The following SUN1 variants were observed in gnomAD, a reference collection of about 807,000 sequenced individuals.
SUN1 encodes Sad1 and UNC84 domain containing 1.
SUN1 carries 61 observed loss-of-function variants against 103.2 expected under a neutral mutation model. That is an observed-to-expected ratio of 0.59 (90% CI 0.48 to 0.73). The LOEUF (loss-of-function observed/expected upper bound fraction) is 0.73. SUN1 is among the 30% of genes least tolerant of loss of function. SUN1 has a pLI of 0.00. For missense variants in SUN1, 1,052 were observed against 1,034.6 expected (o/e 1.02, Z -0.23); for synonymous variants, 490 against 425.7 (o/e 1.15, Z -1.86).
chr7:853,292 C>T (rs566544188), intron 9 of SUN1, 117 bp from the exon 10 acceptor site: 129 of 1,170,288 alleles, frequency 1.1e-4, no homozygotes, highest in Non-Finnish European at 1.5e-4. Context: ...TTCCTCCATT[C>T]GTGTGCCGTG....
intron 16 of SUN1, among the ~76,000 whole-genome samples, chr7:866,299 G>A (rs937228521): frequency 6.6e-6 from 1 of 152,170 alleles, no homozygotes; most frequent in African/African-American, 2.4e-5. Flanking sequence ...GGACCGTGTG[G>A]CACATGCTGG....
upstream of SUN1, among the ~76,000 whole-genome samples, chr7:827,520 G>A (rs563718361): frequency 3.7e-4 from 56 of 150,458 alleles, no homozygotes; most frequent in Middle Eastern, 6.9e-3. Context: ...CCCAGGCTGG[G>A]GTGCAGTGGC....
Position 860,528 on chromosome 7 carries a change from G to A in SUN1, c.1779+146G>A, listed in dbSNP as rs7785888. 5.2e-3 allele frequency: 7,133 copies of A among 1,370,304 alleles called. 307 individuals carry two copies. The African/African-American group carries it at 0.09, about 17-fold the overall frequency. 84.9% of individuals were successfully genotyped at this position (1,370,304 alleles called of 1,614,324 possible). ...TTAGCTGACGTAAGTGAGATGAGAC[G>A]TGCCTGGGCAGTGCCGTGTGTGGAG... is the stretch of plus-strand genomic sequence containing the variant. On this transcript the variant is annotated intron_variant, in intron 14 of 18. Coordinates refer to ENST00000401592, the MANE Select transcript of SUN1 (RefSeq NM_001130965.3).
At chr7:868,346 C>T (rs56342737) in intron 16 of SUN1, 6 of 215,168 alleles carry the variant, frequency 2.8e-5, no homozygotes, top group South Asian at 6.1e-5. Flanking sequence ...GGTGGGGGTG[C>T]GATCGCAGGC....
rs753915268 is a variant in SUN1 at position 852,589 on chromosome 7, G to GT, written c.852-16dup. ...GACTTTCATTTTTTCTAAGTCAAAG[G>GT]TTTTCATTGTTACTCCCAGGTGCCT... On this transcript the variant is annotated intron_variant, in intron 7 of 18. Coordinates refer to ENST00000401592, the MANE Select transcript of SUN1 (RefSeq NM_001130965.3). 1 of 1,614,130 alleles carries GT rather than the reference G, an allele frequency of 6.2e-7. No homozygotes were observed. The highest frequency in any genetic ancestry group is 1.1e-5 in the South Asian group (1 of 91,080).
At chr7:850,065 G>A (rs1407627103) in intron 5 of SUN1, 11 of 1,522,900 alleles carry the variant, frequency 7.2e-6, no homozygotes, top group African/African-American at 5.5e-5. Flanking sequence ...GTCTCATCTC[G>A]CCCTGTCACC....
rs540064618 is a variant in SUN1 at position 840,639 on chromosome 7, CTTTT to C, written c.267-1290_267-1287del. Among the ~76,000 whole-genome samples the C allele has an allele frequency of 1.7e-3, 222 of 127,740 alleles. 1 individual carries two copies. Among genetic ancestry groups the C allele is most frequent in the South Asian group, 3.7e-3 (15 of 4,068 alleles). 83.8% of individuals were successfully genotyped at this position (127,740 alleles called of 152,430 possible). A position where few individuals can be genotyped will look rare whatever the true frequency, so the allele number is the denominator to read the frequency against. On this transcript the variant is annotated intron_variant, in intron 2 of 18. Transcript: ENST00000401592. ...AGAAATTATTTTTTGACCATCTATTCTTTTTTTTTTTTTTTTTTTTGAAACGGAG... is the reference window on the plus strand; with the variant it reads ...AGAAATTATTTTTTGACCATCTATTCTTTTTTTTTTTTTTTTGAAACGGAG...
intron 11 of SUN1, among the ~76,000 whole-genome samples, chr7:856,029 C>T (rs1171476906): frequency 1.3e-5 from 2 of 152,222 alleles, no homozygotes; most frequent in African/African-American, 4.8e-5. Context: ...TCATGTGTGC[C>T]TCTGCCGTGT....
rs192108326 is a variant in SUN1, at chr7:856,171, C to T, written c.1351-187C>T. Reference sequence around the variant, plus strand: ...CTCATGTGATTTGTGCTCCTTTCTGCGCACACGTAATGAAGGTTACTTTGA... The same window carrying T: ...CTCATGTGATTTGTGCTCCTTTCTGTGCACACGTAATGAAGGTTACTTTGA... On this transcript the variant is annotated intron_variant, in intron 11 of 18. Coordinates refer to ENST00000401592, the MANE Select transcript of SUN1 (RefSeq NM_001130965.3). Among the ~76,000 whole-genome samples, 557 of 152,318 alleles carry T rather than the reference C, an allele frequency of 3.7e-3. 3 individuals carry two copies. Among genetic ancestry groups the T allele is most frequent in the African/African-American group, 0.012 (507 of 41,564 alleles).
chr7:853,103 A>C, intron 9 of SUN1, 151 bp downstream of exon 9: 1 of 1,067,768 alleles, frequency 9.4e-7, no homozygotes. Flanking sequence ...GAGCTCCTTA[A>C]GTGTTCTAGG....
chr7:851,523 T>A, intron 6 of SUN1, 41 bp downstream of exon 6: 1 of 1,516,448 alleles, frequency 6.6e-7, no homozygotes, highest in Non-Finnish European at 8.9e-7. Context: ...TCTCCAGAGC[T>A]TCTGGCAGCT....
chr7:856,840 C>G (rs907485878), intron 12 of SUN1, among the ~76,000 whole-genome samples: 30 of 152,296 alleles, frequency 2.0e-4, no homozygotes, highest in Middle Eastern at 6.8e-3. Flanking sequence ...TGCTGCTGCT[C>G]CTGGACGGCA....
chr7:848,578 A>C (rs757753216), intron 5 of SUN1: 11 of 1,350,756 alleles, frequency 8.1e-6, no homozygotes, highest in Non-Finnish European at 1.1e-5. Flanking sequence ...AAGATTGTGA[A>C]TCCGAAAGCT....
At chr7:829,926 C>T (rs555164398), upstream of SUN1, among the ~76,000 whole-genome samples, 3 of 152,342 alleles carry the variant, frequency 2.0e-5, no homozygotes, top group African/African-American at 2.4e-5. Flanking sequence ...CAGCTGACGC[C>T]TGAGTGCTTG....
At chr7:839,082 A>G (rs1806403390) in intron 2 of SUN1, 96 bp downstream of exon 2, 1 of 1,302,970 alleles carries the variant, frequency 7.7e-7, no homozygotes, top group African/African-American at 1.5e-5. Flanking sequence ...CCCTGTCTCG[A>G]GCTTAAGGAT....
chr7:869,876 A>G (rs535111045), intron 17 of SUN1, among the ~76,000 whole-genome samples: 1 of 152,244 alleles, frequency 6.6e-6, no homozygotes, highest in Admixed American at 6.5e-5. Context: ...GAAACCCACC[A>G]TTCATACTGT....
At chr7:833,904 T>C (rs1800314325) in intron 1 of SUN1, among the ~76,000 whole-genome samples, 1 of 152,230 alleles carries the variant, frequency 6.6e-6, no homozygotes, top group South Asian at 2.1e-4. Context: ...TTTTCTGACC[T>C]ATTTTAATAG....
Position 873,397 on chromosome 7 carries a change from T to C in SUN1, c.*66T>C. On this transcript the variant is annotated 3_prime_UTR_variant, in exon 19 of 19. Coordinates refer to ENST00000401592, the MANE Select transcript of SUN1 (RefSeq NM_001130965.3). ...GGACAGCGTGAAACACTGGAATCCT[T>C]CATGGACGAGGGCATATACAATGAT... 7.1e-7 allele frequency: 1 copy of C among 1,403,588 alleles called. No individual in the cohort carries two copies. The highest frequency in any genetic ancestry group is 1.0e-6 in the Non-Finnish European group (1 of 991,732). The allele number at this position is 1,403,588 out of a possible 1,614,324, so 86.9% of individuals were successfully genotyped here.
intron 1 of SUN1, among the ~76,000 whole-genome samples, chr7:823,464 G>A (rs1286079062): frequency 7.1e-6 from 1 of 140,752 alleles, no homozygotes; most frequent in Non-Finnish European, 1.5e-5. Flanking sequence ...AAATAGGAGG[G>A]CACCTCAGGC....
Sources: gnomAD v4.1 joint callset for allele counts (sites outside exome capture counted in the v4.1 genomes callset) on GRCh38, gnomAD v4.1.1 for gene constraint, MANE v1.5 for transcripts, NCBI Gene and HGNC (gene_info 2026-07-23, HGNC 2026-07-21) for gene names.